The following DPYD variants were observed in gnomAD, a reference collection of about 807,000 sequenced individuals.
DPYD encodes dihydropyrimidine dehydrogenase, also known as dihydropyrimidine dehydrogenase [NADP(+)].
A neutral mutation model predicts 116.2 loss-of-function variants in DPYD; 109 were observed. The ratio of observed to expected loss-of-function variants is 0.94; its 90% confidence interval spans 0.80 to 1.10. DPYD has a LOEUF of 1.10. Among genes scored for constraint, DPYD ranks in the 50% least tolerant of loss-of-function variants. DPYD has a pLI of 0.00. For missense variants in DPYD, 1,302 were observed against 1,254.5 expected (o/e 1.04, Z -0.57); for synonymous variants, 440 against 432.0 (o/e 1.02, Z -0.23).
intron 19 of DPYD, among the ~76,000 whole-genome samples, chr1:97,223,390 C>CACACAT (rs1200054293): frequency 1.4e-4 from 11 of 80,442 alleles, no homozygotes; most frequent in Non-Finnish European, 9.1e-5. Flanking sequence ...TAGAATTAAA[C>CACACAT]ACACACACAC....
intron 16 of DPYD, among the ~76,000 whole-genome samples, chr1:97,348,388 A>C (rs1160242596): frequency 6.6e-6 from 1 of 152,184 alleles, no homozygotes; most frequent in Non-Finnish European, 1.5e-5. Flanking sequence ...AAACCTTTTC[A>C]AGTATCTGAG....
chr1:97,773,748 TGC>T (rs1666260715), intron 3 of DPYD, among the ~76,000 whole-genome samples: 1 of 152,178 alleles, frequency 6.6e-6, no homozygotes, highest in Non-Finnish European at 1.5e-5. Flanking sequence ...GCCACTGAGC[TGC>T]CCAACTCCAG....
At chr1:97,376,045 C>T (rs1213570886) in intron 15 of DPYD, among the ~76,000 whole-genome samples, 1 of 152,158 alleles carries the variant, frequency 6.6e-6, no homozygotes, top group East Asian at 1.9e-4. Flanking sequence ...TTTACTATGT[C>T]CTTTGTATGT....
chr1:97,817,753 T>G (rs1048777854), intron 3 of DPYD, among the ~76,000 whole-genome samples: 4 of 152,100 alleles, frequency 2.6e-5, no homozygotes, highest in Non-Finnish European at 4.4e-5. Flanking sequence ...TAAGGTTTAC[T>G]TAAGCTTTGC....
At chr1:97,099,489 G>A (rs1209161774) in intron 20 of DPYD, among the ~76,000 whole-genome samples, 1 of 151,986 alleles carries the variant, frequency 6.6e-6, no homozygotes, top group Admixed American at 6.6e-5. Flanking sequence ...TCTTCACTTT[G>A]TCCTTCCCCT....
At chr1:97,393,266 G>T (rs566869769) in intron 14 of DPYD, among the ~76,000 whole-genome samples, 2 of 150,962 alleles carry the variant, frequency 1.3e-5, no homozygotes, top group East Asian at 2.0e-4. Flanking sequence ...AGAGGCCATT[G>T]TTGAGTTGTT....
chr1:97,677,468 T>C (rs901427930), intron 8 of DPYD, among the ~76,000 whole-genome samples: 43 of 152,158 alleles, frequency 2.8e-4, no homozygotes, highest in African/African-American at 9.7e-4. Context: ...TTGAGAGTAA[T>C]TGGAACTTAC....
At chr1:97,647,764 T>C (rs546538525) in intron 8 of DPYD, among the ~76,000 whole-genome samples, 1 of 152,074 alleles carries the variant, frequency 6.6e-6, no homozygotes, top group Admixed American at 6.6e-5. Flanking sequence ...ATATTTGAAG[T>C]TTTTCCTAAT....
intron 14 of DPYD, among the ~76,000 whole-genome samples, chr1:97,447,845 A>G (rs1014147823): frequency 2.0e-5 from 3 of 152,004 alleles, no homozygotes; most frequent in Non-Finnish European, 4.4e-5. Flanking sequence ...TTTCCAGGAA[A>G]ATTTTTTTTT....
At chr1:97,785,915 G>A (rs377367621) in intron 3 of DPYD, among the ~76,000 whole-genome samples, 7 of 150,474 alleles carry the variant, frequency 4.7e-5, no homozygotes, top group South Asian at 2.1e-4. Flanking sequence ...GGACGGTCTC[G>A]ATCTCCTGAC....
At chr1:97,493,156 A>G (rs1354108888) in intron 13 of DPYD, among the ~76,000 whole-genome samples, 1 of 152,210 alleles carries the variant, frequency 6.6e-6, no homozygotes, top group Non-Finnish European at 1.5e-5. Flanking sequence ...CAGGAAGTTA[A>G]GGAATATGCT....
intron 16 of DPYD, among the ~76,000 whole-genome samples, chr1:97,334,949 G>GT (rs1258742138): frequency 6.6e-6 from 1 of 152,172 alleles, no homozygotes; most frequent in East Asian, 1.9e-4. Flanking sequence ...AGCACTGTGT[G>GT]TAAGTGTGTT....
chr1:97,744,469 A>G (rs1444349850), intron 3 of DPYD, among the ~76,000 whole-genome samples: 2 of 152,042 alleles, frequency 1.3e-5, no homozygotes, highest in Non-Finnish European at 2.9e-5. Flanking sequence ...AAAAACACAT[A>G]CACACAAAGC....
chr1:97,806,563 C>T (rs759350798), intron 3 of DPYD, among the ~76,000 whole-genome samples: 1 of 151,750 alleles, frequency 6.6e-6, no homozygotes, highest in South Asian at 2.1e-4. Context: ...ATGCAGAGTT[C>T]CCATATTTCT....
chr1:97,318,596 C>T (rs1294015782), intron 16 of DPYD, among the ~76,000 whole-genome samples: 2 of 151,778 alleles, frequency 1.3e-5, no homozygotes, highest in Admixed American at 1.3e-4. Flanking sequence ...CCTGAGTGAC[C>T]TACAAAGAGA....
chr1:97,857,977 G>A (rs1184911970), intron 2 of DPYD, among the ~76,000 whole-genome samples: 1 of 151,900 alleles, frequency 6.6e-6, no homozygotes, highest in Non-Finnish European at 1.5e-5. Flanking sequence ...AGTCTTCTGT[G>A]TGAATGATTG....
chr1:97,509,325 A>G (rs1047145163), intron 13 of DPYD, among the ~76,000 whole-genome samples: 1 of 152,022 alleles, frequency 6.6e-6, no homozygotes, highest in African/African-American at 2.4e-5. Context: ...GAGCCTTGAA[A>G]AACCAAGAGT....
At chr1:97,243,325 T>C (rs1003696078) in intron 18 of DPYD, among the ~76,000 whole-genome samples, 2 of 151,880 alleles carry the variant, frequency 1.3e-5, no homozygotes, top group Non-Finnish European at 1.5e-5. Flanking sequence ...TGCTCCTCTT[T>C]TGAGTGCTTT....
At chr1:97,542,555 A>G (rs142600946) in intron 12 of DPYD, among the ~76,000 whole-genome samples, 1 of 151,966 alleles carries the variant, frequency 6.6e-6, no homozygotes, top group Non-Finnish European at 1.5e-5. Flanking sequence ...GTTGTTTGTG[A>G]TGTCCTTGCT....
Sources: gnomAD v4.1 joint callset for allele counts (sites outside exome capture counted in the v4.1 genomes callset) on GRCh38, gnomAD v4.1.1 for gene constraint, MANE v1.5 for transcripts, NCBI Gene and HGNC (gene_info 2026-07-23, HGNC 2026-07-21) for gene names.